The following SIPA1L2 variants were observed in gnomAD, a reference collection of about 807,000 sequenced individuals.
The protein encoded by SIPA1L2 is signal induced proliferation associated 1 like 2, also known as signal-induced proliferation-associated 1-like protein 2.
A neutral mutation model predicts 163.9 loss-of-function variants in SIPA1L2; 56 were observed. The observed-to-expected ratio is 0.34, with a 90% CI of 0.28 to 0.43. SIPA1L2 has a LOEUF of 0.43. Ranked by LOEUF, SIPA1L2 falls within the 20% of genes least tolerant of loss-of-function variation. The probability of loss-of-function intolerance (pLI) is 1.00; values close to 1 mark genes in which losing one functional copy is unlikely to be tolerated. For synonymous variants in SIPA1L2, 877 were observed against 865.7 expected (o/e 1.01, Z -0.23); for missense variants, 1,974 against 2,193.5 (o/e 0.90, Z 2.00).
chr1:232,450,243 T>G (rs944850084), intron 10 of SIPA1L2, among the ~76,000 whole-genome samples: 1 of 152,232 alleles, frequency 6.6e-6, no homozygotes, highest in Non-Finnish European at 1.5e-5. Context: ...TTGGTCAAAC[T>G]GAGTAAATGC....
intron 10 of SIPA1L2, among the ~76,000 whole-genome samples, chr1:232,456,140 T>A (rs1453459434): frequency 6.6e-6 from 1 of 152,070 alleles, no homozygotes; most frequent in Non-Finnish European, 1.5e-5. Flanking sequence ...TAATGAATAA[T>A]AAATGGGATA....
intron 10 of SIPA1L2, among the ~76,000 whole-genome samples, chr1:232,447,717 G>T (rs1054542303): frequency 1.3e-5 from 2 of 152,182 alleles, no homozygotes; most frequent in African/African-American, 4.8e-5. Flanking sequence ...TTGCTGTTAG[G>T]CATGTGATAT....
chr1:232,556,079 G>C (rs1322944266), intron 2 of SIPA1L2, among the ~76,000 whole-genome samples: 1 of 152,192 alleles, frequency 6.6e-6, no homozygotes, highest in Non-Finnish European at 1.5e-5. Flanking sequence ...AAGATAACAT[G>C]AGTGCACACA....
chr1:232,463,946 A>C (rs1664375845), intron 9 of SIPA1L2, among the ~76,000 whole-genome samples: 1 of 152,144 alleles, frequency 6.6e-6, no homozygotes, highest in African/African-American at 2.4e-5. Context: ...GTCTCTAATA[A>C]CAAAAGGGAG....
At chr1:232,573,169 A>G (rs1659895287) in intron 2 of SIPA1L2, among the ~76,000 whole-genome samples, 1 of 152,164 alleles carries the variant, frequency 6.6e-6, no homozygotes. Flanking sequence ...GGAAATAATG[A>G]TTGATCAAGG....
chr1:232,479,555 A>G, intron 7 of SIPA1L2, 72 bp downstream of exon 7: 2 of 1,177,036 alleles, frequency 1.7e-6, no homozygotes, highest in Admixed American at 3.4e-5. Flanking sequence ...TTCTACATGC[A>G]TCAATATCAT....
chr1:232,528,694 T>G (rs1327408575), intron 2 of SIPA1L2, among the ~76,000 whole-genome samples: 1 of 152,130 alleles, frequency 6.6e-6, no homozygotes, highest in Admixed American at 6.5e-5. Flanking sequence ...TACAATCAAG[T>G]GTGGCACTTT....
At position 232,402,306 on chromosome 1, in the gene SIPA1L2, T is replaced by C. The variant is rs1660389803; in HGVS notation, c.5022+86A>G. 25 of 1,244,344 alleles carry C rather than the reference T, an allele frequency of 2.0e-5. 1 individual carries two copies. In the South Asian group the frequency reaches 3.6e-4, roughly 18 times the overall value. The allele number at this position is 1,244,344 out of a possible 1,614,324, so 77.1% of individuals were successfully genotyped here. On this transcript the variant is annotated intron_variant, in intron 22 of 22. Coordinates refer to ENST00000674635, the MANE Select transcript of SIPA1L2 (RefSeq NM_020808.5). ...TTTTGTGTAAGGCAGTTTTCTTTCC[T>C]GAGTCTTTTCAATTTATCTGTAGTA...
intron 2 of SIPA1L2, among the ~76,000 whole-genome samples, chr1:232,517,700 A>T (rs1368450805): frequency 6.6e-6 from 1 of 152,196 alleles, no homozygotes; most frequent in Non-Finnish European, 1.5e-5. Flanking sequence ...CAAAATATTT[A>T]TTACACATAT....
chr1:232,505,233 C>T (rs923281199), intron 3 of SIPA1L2, among the ~76,000 whole-genome samples: 7 of 152,178 alleles, frequency 4.6e-5, no homozygotes, highest in African/African-American at 1.4e-4. Context: ...CCACTGATAA[C>T]GGGATGGCTG....
chr1:232,490,570 C>A, intron 5 of SIPA1L2: 1 of 254,998 alleles, frequency 3.9e-6, no homozygotes, highest in South Asian at 6.4e-5. Flanking sequence ...GATTTTTAAA[C>A]CCTGGAAAAA....
chr1:232,574,639 A>G (rs569514336), intron 1 of SIPA1L2, among the ~76,000 whole-genome samples: 3 of 152,338 alleles, frequency 2.0e-5, no homozygotes, highest in African/African-American at 7.2e-5. Context: ...AAAATTTCTC[A>G]GTTTTAATTC....
At chr1:232,621,932 G>C (rs79663964) in intron 1 of SIPA1L2, among the ~76,000 whole-genome samples, 9,006 of 152,096 alleles carry the variant, frequency 0.059, 357 homozygotes, top group East Asian at 0.14. Flanking sequence ...GCCTTGCTTT[G>C]CAGTCCAGGC....
At chr1:232,622,977 T>C (rs895928070) in intron 1 of SIPA1L2, among the ~76,000 whole-genome samples, 1 of 152,232 alleles carries the variant, frequency 6.6e-6, no homozygotes, top group Non-Finnish European at 1.5e-5. Flanking sequence ...ACCACCTAAG[T>C]GCAGGGAATA....
At chr1:232,571,688 T>C (rs894532589) in intron 2 of SIPA1L2, among the ~76,000 whole-genome samples, 18 of 152,182 alleles carry the variant, frequency 1.2e-4, no homozygotes, top group Non-Finnish European at 1.5e-5. Flanking sequence ...CTTAGCACCG[T>C]CCCCTTGGGG....
At chr1:232,608,916 A>G (rs1662102460) in intron 1 of SIPA1L2, among the ~76,000 whole-genome samples, 1 of 152,126 alleles carries the variant, frequency 6.6e-6, no homozygotes, top group African/African-American at 2.4e-5. Context: ...ACTTACTCAC[A>G]ATAGGCCGGT....
chr1:232,526,650 T>C lies in SIPA1L2; in HGVS notation c.-269-11042A>G, dbSNP rs192936799. On this transcript the variant is annotated intron_variant, in intron 2 of 22. Transcript: ENST00000674635. ...GCCGTAACCCACTGCTTGAGAGTTC[T>C]TCCAACTCCAGAATCTATATACCGT... is the stretch of plus-strand genomic sequence containing the variant. Among the ~76,000 whole-genome samples the C allele has an allele frequency of 1.4e-3, 214 of 152,326 alleles. 2 individuals are homozygous for C. Among genetic ancestry groups the C allele is most frequent in the African/African-American group, 4.9e-3 (203 of 41,568 alleles).
intron 2 of SIPA1L2, among the ~76,000 whole-genome samples, chr1:232,521,652 G>C (rs1667464939): frequency 6.6e-6 from 1 of 152,106 alleles, no homozygotes; most frequent in Non-Finnish European, 1.5e-5. Context: ...AATGACTGCA[G>C]ACCAAAGTAT....
chr1:232,538,304 G>A (rs1333353253), intron 2 of SIPA1L2, among the ~76,000 whole-genome samples: 5 of 152,202 alleles, frequency 3.3e-5, no homozygotes, highest in Admixed American at 2.6e-4. Context: ...GGGGGTATGG[G>A]GCAGATGAGG....
Sources: allele counts gnomAD v4.1 joint callset (sites outside exome capture counted in the v4.1 genomes callset), GRCh38; gene constraint gnomAD v4.1.1; transcripts MANE v1.5; gene names NCBI Gene and HGNC (gene_info 2026-07-23, HGNC 2026-07-21).